DMRT1: variants seen among roughly 807,000 people sequenced by gnomAD.
The protein encoded by DMRT1 is doublesex and mab-3 related transcription factor 1, also known as doublesex- and mab-3-related transcription factor 1.
In DMRT1, 7 loss-of-function variants were observed where a neutral mutation model predicts 32.3. The observed-to-expected ratio is 0.22, with a 90% CI of 0.12 to 0.41. The LOEUF (loss-of-function observed/expected upper bound fraction) is 0.41, where lower values mean the gene tolerates loss of function less well. Ranked by LOEUF, DMRT1 falls within the 10% of genes least tolerant of loss-of-function variation. The probability of loss-of-function intolerance (pLI) is 1.00; values close to 1 mark genes in which losing one functional copy is unlikely to be tolerated. For synonymous variants in DMRT1, 278 were observed against 206.1 expected (o/e 1.35, Z -2.99); for missense variants, 625 against 500.5 (o/e 1.25, Z -2.37).
intron 2 of DMRT1, among the ~76,000 whole-genome samples, chr9:851,230 C>G (rs1589447569): frequency 6.6e-6 from 1 of 151,772 alleles, no homozygotes; most frequent in African/African-American, 2.4e-5. Flanking sequence ...GAAATTTAGT[C>G]AACTTTTATT....
chr9:868,365 T>A (rs943340419), intron 2 of DMRT1, among the ~76,000 whole-genome samples: 4 of 152,216 alleles, frequency 2.6e-5, no homozygotes, highest in African/African-American at 9.7e-5. Context: ...CAGCTTTCTG[T>A]CTCTGATATT....
chr9:878,200 G>GCCCTC (rs1554749478), intron 2 of DMRT1, among the ~76,000 whole-genome samples: 10 of 94,040 alleles, frequency 1.1e-4, no homozygotes, highest in African/African-American at 4.3e-4. Context: ...TGCAGCTGCT[G>GCCCTC]CCCCCCCCCC....
At chr9:903,934 A>G (rs1215388930) in intron 3 of DMRT1, among the ~76,000 whole-genome samples, 1 of 152,198 alleles carries the variant, frequency 6.6e-6, no homozygotes, top group Non-Finnish European at 1.5e-5. Context: ...AGACTTGTGT[A>G]AGTCCTGGGC....
chr9:889,894 T>C (rs548065478), intron 2 of DMRT1, among the ~76,000 whole-genome samples: 96 of 152,278 alleles, frequency 6.3e-4, no homozygotes, highest in African/African-American at 1.5e-3. Context: ...TGAGATTGTA[T>C]AGGAATGAAC....
chr9:869,860 C>G lies in DMRT1; in HGVS notation c.538+22717C>G, dbSNP rs150571452. ...CTATTAATGCAAGTCTGCATTGTGT[C>G]TCTATTTTGGCTTGTAATAAAGTCC... On this transcript the variant is annotated intron_variant, in intron 2 of 4. Coordinates refer to ENST00000382276, the MANE Select transcript of DMRT1 (RefSeq NM_021951.3). 1.6e-3 allele frequency among the ~76,000 whole-genome samples: 240 copies of G among 152,212 alleles called. 2 individuals are homozygous for G. Among genetic ancestry groups the G allele is most frequent in the African/African-American group, 5.6e-3 (233 of 41,520 alleles).
At chr9:963,373 T>C (rs1030383781) in intron 4 of DMRT1, among the ~76,000 whole-genome samples, 23 of 152,326 alleles carry the variant, frequency 1.5e-4, no homozygotes, top group Middle Eastern at 3.4e-3. Context: ...TACTCTTTAA[T>C]TGCACTCGGG....
intron 2 of DMRT1, among the ~76,000 whole-genome samples, chr9:882,907 G>C (rs1388065537): frequency 6.6e-6 from 1 of 151,790 alleles, no homozygotes; most frequent in Non-Finnish European, 1.5e-5. Flanking sequence ...CAGTAGCTGG[G>C]ATTACAGGTG....
intron 2 of DMRT1, among the ~76,000 whole-genome samples, chr9:888,355 G>C (rs1332283518): frequency 1.3e-5 from 2 of 151,296 alleles, no homozygotes; most frequent in Non-Finnish European, 2.9e-5. Flanking sequence ...GCCCAGGCTG[G>C]AGTGCAGTGG....
chr9:867,116 T>C (rs1816025658), intron 2 of DMRT1, among the ~76,000 whole-genome samples: 1 of 151,818 alleles, frequency 6.6e-6, no homozygotes, highest in African/African-American at 2.4e-5. Context: ...GGGAGAGAGA[T>C]TATTTACAGC....
At chr9:906,056 C>T (rs1221544437) in intron 3 of DMRT1, among the ~76,000 whole-genome samples, 1 of 74,206 alleles carries the variant, frequency 1.3e-5, no homozygotes, top group Non-Finnish European at 3.9e-5. Flanking sequence ...CACACACTCA[C>T]ACACTCTTCC....
intron 4 of DMRT1, among the ~76,000 whole-genome samples, chr9:964,649 C>G (rs573745029): frequency 6.6e-6 from 1 of 152,090 alleles, no homozygotes; most frequent in Non-Finnish European, 1.5e-5. Flanking sequence ...GCCCCCAACC[C>G]CAGTGCAGCT....
chr9:902,645 T>C (rs1030102863), intron 3 of DMRT1, among the ~76,000 whole-genome samples: 7 of 151,652 alleles, frequency 4.6e-5, no homozygotes, highest in Admixed American at 1.3e-4. Context: ...CACGCCACCA[T>C]ACCCAGCTAA....
chr9:924,887 C>T (rs899394568), intron 4 of DMRT1, among the ~76,000 whole-genome samples: 1 of 152,154 alleles, frequency 6.6e-6, no homozygotes, highest in African/African-American at 2.4e-5. Context: ...TTCTGTCTTT[C>T]CTTCAAACTT....
chr9:869,353 T>A (rs1436041645), intron 2 of DMRT1, among the ~76,000 whole-genome samples: 1 of 152,196 alleles, frequency 6.6e-6, no homozygotes, highest in South Asian at 2.1e-4. Context: ...GCATTGTGAA[T>A]ACAAAGGTGT....
At chr9:892,136 C>T (rs1228055118) in intron 2 of DMRT1, among the ~76,000 whole-genome samples, 2 of 152,210 alleles carry the variant, frequency 1.3e-5, no homozygotes, top group Admixed American at 6.5e-5. Flanking sequence ...ACCTAGTTGT[C>T]TGTTGGTCTT....
chr9:843,918 G>A (rs1589438293), intron 1 of DMRT1, among the ~76,000 whole-genome samples: 1 of 152,140 alleles, frequency 6.6e-6, no homozygotes, highest in Non-Finnish European at 1.5e-5. Flanking sequence ...GATTTTTAAA[G>A]CTTAATCTGT....
intron 2 of DMRT1, among the ~76,000 whole-genome samples, chr9:861,382 G>A (rs979143668): frequency 2.2e-4 from 33 of 152,180 alleles, no homozygotes; most frequent in Non-Finnish European, 4.4e-4. Context: ...ACGGGGTTGG[G>A]GGTAAGGTTA....
intron 2 of DMRT1, among the ~76,000 whole-genome samples, chr9:878,068 G>T (rs926376112): frequency 8.5e-5 from 13 of 152,174 alleles, no homozygotes; most frequent in Non-Finnish European, 1.5e-4. Context: ...GCATGGTAAT[G>T]GGCAATTACA....
At chr9:857,897 A>G (rs1205964295) in intron 2 of DMRT1, among the ~76,000 whole-genome samples, 2 of 149,348 alleles carry the variant, frequency 1.3e-5, no homozygotes, top group East Asian at 2.0e-4. Flanking sequence ...TGTCCTTGCG[A>G]TAGTTTGCTG....
Sources: gnomAD v4.1 joint callset for allele counts (sites outside exome capture counted in the v4.1 genomes callset) on GRCh38, gnomAD v4.1.1 for gene constraint, MANE v1.5 for transcripts, NCBI Gene and HGNC (gene_info 2026-07-23, HGNC 2026-07-21) for gene names.